Variants in GPM6A observed in about 807,000 individuals in gnomAD.
GPM6A encodes the protein glycoprotein M6A.
In GPM6A, 7 loss-of-function variants were observed where a neutral mutation model predicts 32.1. That is an observed-to-expected ratio of 0.22 (90% CI 0.12 to 0.41). The LOEUF (loss-of-function observed/expected upper bound fraction) is 0.41. Ranked by LOEUF, GPM6A falls within the 10% of genes least tolerant of loss-of-function variation. The pLI is 1.00. For synonymous variants in GPM6A, 130 were observed against 123.4 expected (o/e 1.05, Z -0.35); for missense variants, 235 against 347.2 (o/e 0.68, Z 2.57).
intron 2 of GPM6A, among the ~76,000 whole-genome samples, chr4:175,678,673 G>C (rs1743512598): frequency 6.6e-6 from 1 of 152,154 alleles, no homozygotes; most frequent in Admixed American, 6.6e-5. Flanking sequence ...TGAGGCAGAT[G>C]ATGTGAACTG....
chr4:175,739,090 A>G (rs1199389279), intron 1 of GPM6A, among the ~76,000 whole-genome samples: 1 of 152,208 alleles, frequency 6.6e-6, no homozygotes, highest in Non-Finnish European at 1.5e-5. Flanking sequence ...AAAGAAAACT[A>G]CAGCTGTGCC....
At chr4:175,799,763 C>T (rs11133113) in intron 1 of GPM6A, among the ~76,000 whole-genome samples, 49,487 of 124,890 alleles carry the variant, frequency 0.4, 10,954 homozygotes, top group Non-Finnish European at 0.49. Context: ...CAAGCTCCGC[C>T]TCCCGGGTTC....
intron 3 of GPM6A, among the ~76,000 whole-genome samples, chr4:175,663,210 T>A (rs541378102): frequency 6.6e-6 from 1 of 152,272 alleles, no homozygotes; most frequent in African/African-American, 2.4e-5. Flanking sequence ...CTTGAATGAG[T>A]TGAAAACTGA....
chr4:175,636,301 T>C (rs140096961), intron 6 of GPM6A, among the ~76,000 whole-genome samples: 5,156 of 130,594 alleles, frequency 0.039, 400 homozygotes, highest in African/African-American at 0.14. Flanking sequence ...TATATATACA[T>C]ATATATATGG....
At chr4:175,953,628 G>A (rs185535282) in intron 1 of GPM6A, among the ~76,000 whole-genome samples, 2 of 152,266 alleles carry the variant, frequency 1.3e-5, no homozygotes, top group Non-Finnish European at 2.9e-5. Flanking sequence ...GAGGTCGGGC[G>A]CAGTGGCTCA....
At chr4:175,868,962 G>A (rs990921948) in intron 1 of GPM6A, among the ~76,000 whole-genome samples, 11 of 151,954 alleles carry the variant, frequency 7.2e-5, no homozygotes, top group African/African-American at 2.7e-4. Flanking sequence ...GACTTGAGTT[G>A]GTCTACACTA....
At chr4:175,962,612 G>A in intron 1 of GPM6A, 1 of 257,036 alleles carries the variant, frequency 3.9e-6, no homozygotes, top group South Asian at 5.0e-5. Context: ...AGACAACTGA[G>A]GTGATAGAAA....
intron 1 of GPM6A, among the ~76,000 whole-genome samples, chr4:175,783,193 T>C: frequency 6.6e-6 from 1 of 151,966 alleles, no homozygotes; most frequent in Non-Finnish European, 1.5e-5. Flanking sequence ...ACATAAATTA[T>C]TAAATAATCA....
intron 1 of GPM6A, among the ~76,000 whole-genome samples, chr4:175,900,827 T>C (rs1053771929): frequency 4.6e-5 from 7 of 152,160 alleles, no homozygotes; most frequent in African/African-American, 1.7e-4. Flanking sequence ...CACTCCTATG[T>C]TTGTTGAAGC....
chr4:175,914,533 G>C (rs1738427194), intron 1 of GPM6A, among the ~76,000 whole-genome samples: 1 of 152,128 alleles, frequency 6.6e-6, no homozygotes, highest in African/African-American at 2.4e-5. Flanking sequence ...ATGTTGGCCT[G>C]GCTGCTCTGG....
chr4:175,643,680 G>A (rs1292680288), intron 4 of GPM6A, among the ~76,000 whole-genome samples: 1 of 152,132 alleles, frequency 6.6e-6, no homozygotes, highest in East Asian at 1.9e-4. Context: ...TGACAGTCAG[G>A]TAGTTGTTAA....
chr4:175,762,150 C>T (rs111667784), intron 1 of GPM6A, among the ~76,000 whole-genome samples: 41 of 152,276 alleles, frequency 2.7e-4, no homozygotes, highest in African/African-American at 8.2e-4. Context: ...CAAGTGTCCT[C>T]GTCTAATGTG....
chr4:175,650,064 T>A (rs1741691672), intron 4 of GPM6A, among the ~76,000 whole-genome samples: 1 of 152,280 alleles, frequency 6.6e-6, no homozygotes, highest in African/African-American at 2.4e-5. Context: ...CCTTTTCCGA[T>A]ATTTACAGGG....
intron 1 of GPM6A, among the ~76,000 whole-genome samples, chr4:175,779,119 G>C (rs1733512999): frequency 1.3e-5 from 2 of 152,114 alleles, no homozygotes; most frequent in Non-Finnish European, 2.9e-5. Flanking sequence ...AATGATGAGA[G>C]AGTGGCTCCA....
At chr4:175,958,506 T>G (rs1740060392) in intron 1 of GPM6A, among the ~76,000 whole-genome samples, 1 of 152,218 alleles carries the variant, frequency 6.6e-6, no homozygotes, top group Non-Finnish European at 1.5e-5. Flanking sequence ...ATTCAATTGC[T>G]AACTGATAGG....
intron 1 of GPM6A, among the ~76,000 whole-genome samples, chr4:175,773,566 T>C (rs924433062): frequency 6.8e-6 from 1 of 146,148 alleles, no homozygotes; most frequent in Non-Finnish European, 1.6e-5. Flanking sequence ...TAAATAATAC[T>C]ACTTTGATAC....
chr4:175,955,743 A>G (rs1417150725), intron 1 of GPM6A, among the ~76,000 whole-genome samples: 2 of 152,166 alleles, frequency 1.3e-5, no homozygotes, highest in African/African-American at 4.8e-5. Context: ...ATCTGTTTCT[A>G]CTGATGGAGC....
intron 1 of GPM6A, among the ~76,000 whole-genome samples, chr4:175,765,862 A>G (rs112807622): frequency 1.1e-4 from 16 of 152,240 alleles, no homozygotes; most frequent in African/African-American, 3.9e-4. Context: ...GAACCTTCTC[A>G]AATGCTGTCT....
chr4:175,987,876 A>G (rs1741026513), intron 1 of GPM6A, among the ~76,000 whole-genome samples: 1 of 152,194 alleles, frequency 6.6e-6, no homozygotes, highest in African/African-American at 2.4e-5. Context: ...AAGTAAAATA[A>G]TATAACCTTT....
Sources: gnomAD v4.1 joint callset for allele counts (sites outside exome capture counted in the v4.1 genomes callset) on GRCh38, gnomAD v4.1.1 for gene constraint, MANE v1.5 for transcripts, NCBI Gene and HGNC (gene_info 2026-07-23, HGNC 2026-07-21) for gene names.